SLIT2: variants seen among roughly 807,000 people sequenced by gnomAD.
SLIT2 encodes the protein slit homolog 2 protein.
A neutral mutation model predicts 185.7 loss-of-function variants in SLIT2; 41 were observed. The observed-to-expected ratio is 0.22, with a 90% CI of 0.17 to 0.29. SLIT2 has a LOEUF of 0.29. Ranked by LOEUF, SLIT2 falls within the 10% of genes least tolerant of loss-of-function variation. The pLI, the probability that SLIT2 is intolerant of heterozygous loss-of-function variation, is 1.00. For synonymous variants in SLIT2, 693 were observed against 680.2 expected, an observed-to-expected ratio of 1.02 and a Z score of -0.29; for missense variants, 1,571 against 1,909.0, an observed-to-expected ratio of 0.82 and a Z score of 3.30.
chr4:20,319,352 A>C (rs1560313115), intron 4 of SLIT2, among the ~76,000 whole-genome samples: 1 of 152,192 alleles, frequency 6.6e-6, no homozygotes, highest in Non-Finnish European at 1.5e-5. Flanking sequence ...AGACTTTTAA[A>C]GACAGGTGGT....
At chr4:20,438,582 A>C (rs1729522902) in intron 4 of SLIT2, among the ~76,000 whole-genome samples, 2 of 152,182 alleles carry the variant, frequency 1.3e-5, no homozygotes, top group Admixed American at 6.5e-5. Flanking sequence ...GTGGGGACAC[A>C]GAGCCAAACC....
intron 4 of SLIT2, among the ~76,000 whole-genome samples, chr4:20,366,828 C>G (rs1010427053): frequency 1.3e-5 from 2 of 151,932 alleles, no homozygotes; most frequent in African/African-American, 4.8e-5. Flanking sequence ...AACAGGGTCT[C>G]ACTCTATCAC....
At chr4:20,458,895 C>T (rs191682356) in intron 4 of SLIT2, among the ~76,000 whole-genome samples, 1 of 152,300 alleles carries the variant, frequency 6.6e-6, no homozygotes, top group East Asian at 1.9e-4. Flanking sequence ...TTAGTAGTTG[C>T]TCAATAAATG....
chr4:20,594,896 A>G (rs1052300809), intron 30 of SLIT2, among the ~76,000 whole-genome samples: 1 of 152,174 alleles, frequency 6.6e-6, no homozygotes, highest in Non-Finnish European at 1.5e-5. Flanking sequence ...GGGCAAAGTA[A>G]TACCACGAAT....
In SLIT2 at chr4:20,550,817, T is replaced by C. The variant is rs1174073302; in HGVS notation, c.2490-10T>C. 3 of 1,582,688 alleles carry C rather than the reference T, an allele frequency of 1.9e-6. No homozygotes were observed. The highest frequency in any genetic ancestry group is 2.6e-6 in the Non-Finnish European group (3 of 1,156,220). On this transcript the variant is annotated splice_polypyrimidine_tract_variant and intron_variant, in intron 24 of 36. Transcript: ENST00000504154. Reference sequence around the variant, plus strand: ...ATAGGAAGTTTAATTTTTCTTTTTCTTTCTTTTAGTTCTCTACATGGAAAT... The same window carrying C: ...ATAGGAAGTTTAATTTTTCTTTTTCCTTCTTTTAGTTCTCTACATGGAAAT...
chr4:20,374,298 TA>T (rs1318394827), intron 4 of SLIT2, among the ~76,000 whole-genome samples: 1 of 152,126 alleles, frequency 6.6e-6, no homozygotes, highest in Non-Finnish European at 1.5e-5. Flanking sequence ...AATAGAAATT[TA>T]TTGAGTTACT....
chr4:20,583,675 G>T (rs1040750580), intron 29 of SLIT2, among the ~76,000 whole-genome samples: 1 of 152,004 alleles, frequency 6.6e-6, no homozygotes. Context: ...TGGGCATGGT[G>T]GTGCGCACCT....
chr4:20,514,859 A>G (rs1720064855), intron 11 of SLIT2, among the ~76,000 whole-genome samples: 1 of 151,772 alleles, frequency 6.6e-6, no homozygotes, highest in Non-Finnish European at 1.5e-5. Context: ...TATGCAATAT[A>G]TTAACAAAAC....
chr4:20,410,177 C>G (rs975091238), intron 4 of SLIT2, among the ~76,000 whole-genome samples: 1 of 140,444 alleles, frequency 7.1e-6, no homozygotes, highest in African/African-American at 2.6e-5. Flanking sequence ...CCTAGATTTT[C>G]TATTAGGGTT....
chr4:20,285,211 C>T (rs891926146), intron 4 of SLIT2, among the ~76,000 whole-genome samples: 3 of 152,158 alleles, frequency 2.0e-5, no homozygotes, highest in African/African-American at 4.8e-5. Flanking sequence ...CATAAGAGGG[C>T]GAGATCATGG....
intron 4 of SLIT2, among the ~76,000 whole-genome samples, chr4:20,327,557 T>G (rs1719700314): frequency 6.6e-6 from 1 of 152,040 alleles, no homozygotes. Flanking sequence ...CAAGCATTAT[T>G]TGTAATTAGT....
intron 34 of SLIT2, among the ~76,000 whole-genome samples, chr4:20,613,965 G>A (rs913064043): frequency 3.9e-5 from 6 of 152,084 alleles, no homozygotes; most frequent in Admixed American, 2.6e-4. Context: ...TCCACCTCCC[G>A]AGTTCAAGTG....
chr4:20,318,366 G>A (rs1718775471), intron 4 of SLIT2, among the ~76,000 whole-genome samples: 1 of 152,118 alleles, frequency 6.6e-6, no homozygotes, highest in African/African-American at 2.4e-5. Context: ...TATTTTAGCA[G>A]CAGTGAATTG....
In SLIT2 at chr4:20,617,709, T is replaced by C. The variant is rs1729787409; in HGVS notation, c.4348+59T>C. On this transcript the variant is annotated intron_variant, in intron 36 of 36. Coordinates refer to ENST00000504154, the MANE Select transcript of SLIT2 (RefSeq NM_004787.4). ...GGCAAAGCAAGAGGGGTCCCATGTCTTTGAAAAGAGAGGGAGAAAAAGTGA... is the reference window on the plus strand; with the variant it reads ...GGCAAAGCAAGAGGGGTCCCATGTCCTTGAAAAGAGAGGGAGAAAAAGTGA... 4.5e-5 allele frequency: 50 copies of C among 1,123,518 alleles called. No homozygotes were observed. In the South Asian group the frequency reaches 7.0e-4, roughly 16 times the overall value. The allele number at this position is 1,123,518 out of a possible 1,614,324, so 69.6% of individuals were successfully genotyped here. A position where few individuals can be genotyped will look rare whatever the true frequency, so the allele number is the denominator to read the frequency against.
intron 30 of SLIT2, among the ~76,000 whole-genome samples, chr4:20,594,127 A>G (rs753530986): frequency 6.7e-5 from 10 of 149,330 alleles, no homozygotes; most frequent in African/African-American, 1.7e-4. Context: ...ACACATGTGC[A>G]TATATATACA....
chr4:20,524,368 C>A (rs1334733580), intron 14 of SLIT2, among the ~76,000 whole-genome samples, 191 bp downstream of exon 14: 1 of 152,136 alleles, frequency 6.6e-6, no homozygotes, highest in Non-Finnish European at 1.5e-5. Context: ...AACATTTTAA[C>A]ACCATATACA....
At position 20,532,204 on chromosome 4, in the gene SLIT2, C is replaced by A. The variant is rs530148716; in HGVS notation, c.1688+146C>A. ...ACCTGTAACATGAATTTAGGGTAAT[C>A]TCTGCAAGGGACTTTTCTGTGTGTT... On this transcript the variant is annotated intron_variant, in intron 17 of 36. Coordinates refer to ENST00000504154, the MANE Select transcript of SLIT2 (RefSeq NM_004787.4). 5.8e-4 allele frequency: 335 copies of A among 575,542 alleles called. 3 individuals are homozygous for A. Among genetic ancestry groups the A allele is most frequent in the Non-Finnish European group, 1.0e-4 (33 of 325,126 alleles). 35.7% of individuals were successfully genotyped at this position (575,542 alleles called of 1,614,324 possible).
intron 4 of SLIT2, among the ~76,000 whole-genome samples, chr4:20,415,723 G>A (rs1359569616): frequency 6.6e-6 from 1 of 152,054 alleles, no homozygotes; most frequent in Non-Finnish European, 1.5e-5. Context: ...CAGGGTCAGT[G>A]CACTCTTTCC....
At position 20,269,940 on chromosome 4, in the gene SLIT2, G is replaced by T. The variant is rs533664319; in HGVS notation, c.395+1059G>T. ...ACTTACTATAGGGAGATATTCCCCA[G>T]CTGACATACCAGATCTCTCCAGAGT... On this transcript the variant is annotated intron_variant, in intron 4 of 36. Coordinates refer to ENST00000504154, the MANE Select transcript of SLIT2 (RefSeq NM_004787.4). 2.0e-5 allele frequency among the ~76,000 whole-genome samples: 3 copies of T among 151,888 alleles called. No homozygotes were observed. In the South Asian group the frequency reaches 6.3e-4, roughly 32 times the overall value.
Sources: allele counts gnomAD v4.1 joint callset (sites outside exome capture counted in the v4.1 genomes callset), GRCh38; gene constraint gnomAD v4.1.1; transcripts MANE v1.5; gene names NCBI Gene and HGNC (gene_info 2026-07-23, HGNC 2026-07-21).